Variants in VWA8 observed in about 807,000 individuals in gnomAD.
The protein encoded by VWA8 is von Willebrand factor A domain containing 8.
In VWA8, 221 loss-of-function variants were observed where a neutral mutation model predicts 241.5. The observed-to-expected ratio is 0.91, with a 90% CI of 0.82 to 1.02. The LOEUF (loss-of-function observed/expected upper bound fraction) is 1.02, where lower values mean the gene tolerates loss of function less well. Among genes scored for constraint, VWA8 ranks in the 50% least tolerant of loss-of-function variants. The pLI is 0.00. For missense variants in VWA8, 2,322 were observed against 2,328.7 expected (o/e 1.00, Z 0.06); for synonymous variants, 852 against 827.1 (o/e 1.03, Z -0.52).
chr13:41,690,842 G>A (rs1023508307), intron 32 of VWA8, among the ~76,000 whole-genome samples: 1 of 152,074 alleles, frequency 6.6e-6, no homozygotes, highest in African/African-American at 2.4e-5. Context: ...ATCAAGAACT[G>A]CACAGTCCAA....
At chr13:41,845,121 G>A (rs1345302358) in intron 12 of VWA8, among the ~76,000 whole-genome samples, 1 of 151,928 alleles carries the variant, frequency 6.6e-6, no homozygotes, top group African/African-American at 2.4e-5. Context: ...CAAAGCCAGA[G>A]GCATCACATT....
intron 36 of VWA8, 116 bp downstream of exon 36, chr13:41,675,099 A>C (rs2045051016): frequency 1.6e-6 from 1 of 609,866 alleles, no homozygotes; most frequent in Non-Finnish European, 2.8e-6. Flanking sequence ...AACTGGAAAA[A>C]AAAAGAGCTT....
At chr13:41,863,963 A>C (rs1026201664) in intron 12 of VWA8, among the ~76,000 whole-genome samples, 6 of 152,222 alleles carry the variant, frequency 3.9e-5, no homozygotes, top group South Asian at 2.1e-4. Flanking sequence ...AATAAAAATC[A>C]AGAGAAAAAA....
chr13:41,614,003 G>A (rs2044605761), intron 38 of VWA8, among the ~76,000 whole-genome samples: 1 of 152,204 alleles, frequency 6.6e-6, no homozygotes, highest in Non-Finnish European at 1.5e-5. Context: ...CTCCCCCAGA[G>A]TAGTCCACTG....
chr13:41,796,738 C>G lies in VWA8; in HGVS notation c.2064-9195G>C, dbSNP rs370566276. On this transcript the variant is annotated intron_variant, in intron 17 of 44. Transcript: ENST00000379310. ...TTACTAACTTAAGTTGAATGCCTGGCTCACAAATTTTCTTTCTCTATTATT... is the reference window on the plus strand; with the variant it reads ...TTACTAACTTAAGTTGAATGCCTGGGTCACAAATTTTCTTTCTCTATTATT... 2.0e-4 allele frequency among the ~76,000 whole-genome samples: 30 copies of G among 151,100 alleles called. No individual in the cohort carries two copies. The South Asian group carries it at 6.3e-3, about 32-fold the overall frequency.
chr13:41,725,892 T>C (rs985840527), intron 24 of VWA8, among the ~76,000 whole-genome samples: 2 of 152,218 alleles, frequency 1.3e-5, no homozygotes, highest in African/African-American at 4.8e-5. Flanking sequence ...TAAGGTATTA[T>C]CTGCACATAA....
intron 2 of VWA8, among the ~76,000 whole-genome samples, chr13:41,915,028 T>A (rs1876185616): frequency 6.6e-6 from 1 of 152,358 alleles, no homozygotes; most frequent in Middle Eastern, 3.4e-3. Flanking sequence ...ATGTGAGGCC[T>A]GCCCCTCATA....
At chr13:41,705,625 C>T (rs555190743) in intron 26 of VWA8, among the ~76,000 whole-genome samples, 3 of 152,210 alleles carry the variant, frequency 2.0e-5, no homozygotes, top group South Asian at 2.1e-4. Context: ...TATATAAACT[C>T]GGGAAGGGGA....
At chr13:41,744,963 G>C (rs868800985) in intron 21 of VWA8, among the ~76,000 whole-genome samples, 42 of 151,872 alleles carry the variant, frequency 2.8e-4, no homozygotes, top group Middle Eastern at 6.8e-3. Context: ...TCAGCCTCCC[G>C]AGTAGCTGGG....
chr13:41,721,374 A>C lies in VWA8; in HGVS notation c.2960T>G (p.Leu987Ter), dbSNP rs753777920. ...ACAGGTGTGTGCCATACCTACCTGT[A>C]AATGTTTGACTATGTTGACAACTTC... Reference protein sequence around the residue: ...TREVVNIVKHLQKFPTEGLSS... With the variant: ...TREVVNIVKH The change falls in exon 25 of 45, where the codon TTA (leucine) becomes TGA (stop). Residue 987 changes from leucine (L) to a stop codon, truncating the protein, a stop_gained. Transcript: ENST00000379310. LOFTEE classifies it high-confidence loss of function. 4.3e-6 allele frequency: 7 copies of C among 1,613,540 alleles called. No homozygotes were observed. The highest frequency in any genetic ancestry group is 5.9e-6 in the Non-Finnish European group (7 of 1,179,718).
intron 12 of VWA8, among the ~76,000 whole-genome samples, chr13:41,851,966 T>C (rs914021957): frequency 5.3e-5 from 8 of 152,146 alleles, no homozygotes; most frequent in Non-Finnish European, 1.0e-4. Context: ...GATTGCTGGA[T>C]CATGTGGTAG....
intron 9 of VWA8, among the ~76,000 whole-genome samples, chr13:41,879,809 AT>A (rs1874083215): frequency 6.6e-6 from 1 of 152,160 alleles, no homozygotes; most frequent in South Asian, 2.1e-4. Context: ...GAGAAATACC[AT>A]TCCATATGCT....
At chr13:41,574,471 C>A (rs1042590610) in intron 43 of VWA8, among the ~76,000 whole-genome samples, 7 of 152,180 alleles carry the variant, frequency 4.6e-5, no homozygotes, top group African/African-American at 1.7e-4. Flanking sequence ...TGAGGAGAAT[C>A]AATATTGTGA....
At chr13:41,808,676 T>C (rs1209578433) in intron 17 of VWA8, among the ~76,000 whole-genome samples, 2 of 152,092 alleles carry the variant, frequency 1.3e-5, no homozygotes, top group South Asian at 4.1e-4. Context: ...ACTGGAAGCC[T>C]TTCCTCTAAG....
intron 2 of VWA8, among the ~76,000 whole-genome samples, chr13:41,938,033 C>CCATGTA (rs2138148676): frequency 6.6e-6 from 1 of 151,614 alleles, no homozygotes; most frequent in African/African-American, 2.4e-5. Flanking sequence ...TGGTGGCACA[C>CCATGTA]GTCTGTAATC....
At chr13:41,616,003 T>A (rs572291257) in intron 37 of VWA8, among the ~76,000 whole-genome samples, 1 of 152,354 alleles carries the variant, frequency 6.6e-6, no homozygotes, top group South Asian at 2.1e-4. Flanking sequence ...TGATGGAACA[T>A]TCTGTGAGGT....
chr13:41,916,718 T>C (rs1003380804), intron 2 of VWA8, among the ~76,000 whole-genome samples: 2 of 152,192 alleles, frequency 1.3e-5, no homozygotes, highest in Non-Finnish European at 1.5e-5. Flanking sequence ...ACATTAATGC[T>C]TGAAACTAGC....
chr13:41,670,717 G>A (rs1050023530), intron 37 of VWA8, among the ~76,000 whole-genome samples: 10 of 152,166 alleles, frequency 6.6e-5, no homozygotes, highest in Non-Finnish European at 1.3e-4. Context: ...TGTGATGTCA[G>A]TAACCTGCAC....
intron 21 of VWA8, among the ~76,000 whole-genome samples, chr13:41,744,703 G>A (rs988444422): frequency 7.2e-5 from 11 of 152,324 alleles, no homozygotes; most frequent in African/African-American, 2.6e-4. Context: ...GAAACCTGCA[G>A]CTGGTGCTGA....
Sources: allele counts gnomAD v4.1 joint callset (sites outside exome capture counted in the v4.1 genomes callset), GRCh38; gene constraint gnomAD v4.1.1; transcripts MANE v1.5; gene names NCBI Gene and HGNC (gene_info 2026-07-23, HGNC 2026-07-21).